The following DLGAP2 variants were observed in gnomAD, a reference collection of about 807,000 sequenced individuals.
DLGAP2 encodes the protein disks large-associated protein 2.
Under a neutral mutation model 100.3 loss-of-function variants are expected in DLGAP2, and 26 were observed. That is an observed-to-expected ratio of 0.26 (90% confidence interval 0.19 to 0.36). DLGAP2 has a LOEUF of 0.36. Ranked by LOEUF, DLGAP2 falls within the 10% of genes least tolerant of loss-of-function variation. The probability of loss-of-function intolerance (pLI) is 1.00; values close to 1 mark genes in which losing one functional copy is unlikely to be tolerated. For missense variants in DLGAP2, 1,858 were observed against 1,453.2 expected (o/e 1.28, Z -4.53); for synonymous variants, 886 against 630.1 (o/e 1.41, Z -6.08).
chr8:1,595,900 T>C (rs1584970565), intron 6 of DLGAP2, among the ~76,000 whole-genome samples: 1 of 151,948 alleles, frequency 6.6e-6, no homozygotes, highest in African/African-American at 2.4e-5. Flanking sequence ...ACTTTAAGTT[T>C]TAGGGTACAT....
chr8:1,287,409 A>T (rs113376245), intron 3 of DLGAP2, among the ~76,000 whole-genome samples: 1 of 119,838 alleles, frequency 8.3e-6, no homozygotes, highest in Non-Finnish European at 1.6e-5. Context: ...GAGGGGAACT[A>T]GTTTTGGTTC....
At chr8:852,952 G>T (rs191371905) in intron 1 of DLGAP2, among the ~76,000 whole-genome samples, 159 of 152,346 alleles carry the variant, frequency 1.0e-3, no homozygotes, top group Non-Finnish European at 1.9e-3. Context: ...GCAGCATGAC[G>T]CTGGATCTTC....
At chr8:1,010,256 G>A (rs111810504) in intron 2 of DLGAP2, among the ~76,000 whole-genome samples, 33 of 141,732 alleles carry the variant, frequency 2.3e-4, no homozygotes, top group South Asian at 1.8e-3. Context: ...CCACATATGC[G>A]CACACATGCA....
At chr8:1,343,845 A>T (rs1801477297) in intron 3 of DLGAP2, among the ~76,000 whole-genome samples, 1 of 152,002 alleles carries the variant, frequency 6.6e-6, no homozygotes, top group African/African-American at 2.4e-5. Context: ...AGAGCAGATG[A>T]TGCTCCAATT....
intron 2 of DLGAP2, among the ~76,000 whole-genome samples, chr8:1,230,023 A>C (rs11780518): frequency 0.25 from 37,861 of 152,148 alleles, 5,418 homozygotes; most frequent in East Asian, 0.6. Flanking sequence ...ACAATCAGGC[A>C]AGAAAACGTA....
intron 7 of DLGAP2, among the ~76,000 whole-genome samples, chr8:1,628,264 G>A (rs1016373672): frequency 4.8e-5 from 7 of 145,078 alleles, no homozygotes; most frequent in African/African-American, 1.9e-4. Flanking sequence ...AAGAGCCTGA[G>A]CTGACCTCAC....
chr8:904,142 C>T (rs1257577232), intron 1 of DLGAP2, among the ~76,000 whole-genome samples: 2 of 152,248 alleles, frequency 1.3e-5, no homozygotes, highest in African/African-American at 2.4e-5. Context: ...GGCCACTGGC[C>T]ACACGTAGCC....
chr8:836,553 G>T (rs7459616), intron 1 of DLGAP2, among the ~76,000 whole-genome samples: 11 of 152,022 alleles, frequency 7.2e-5, no homozygotes, highest in Admixed American at 7.2e-4. Flanking sequence ...AGGTTCTGCC[G>T]GGGTGACCCT....
intron 14 of DLGAP2, among the ~76,000 whole-genome samples, chr8:1,700,234 A>C (rs1799528870): frequency 6.6e-6 from 1 of 152,212 alleles, no homozygotes; most frequent in African/African-American, 2.4e-5. Context: ...AGAGAAAAAG[A>C]CATGAGTGGA....
chr8:1,462,064 A>G (rs1181663521), intron 3 of DLGAP2, among the ~76,000 whole-genome samples: 6 of 48,054 alleles, frequency 1.2e-4, no homozygotes, highest in Admixed American at 2.6e-4. Flanking sequence ...GAAGGGCGGC[A>G]TTTGGGTTGG....
chr8:1,600,287 C>G (rs532575837), intron 6 of DLGAP2, among the ~76,000 whole-genome samples: 24 of 152,260 alleles, frequency 1.6e-4, no homozygotes, highest in African/African-American at 5.5e-4. Flanking sequence ...TGACCTTTCT[C>G]TCTGGCTGCC....
intron 2 of DLGAP2, among the ~76,000 whole-genome samples, chr8:1,169,195 T>C (rs1197815767): frequency 1.3e-5 from 2 of 152,108 alleles, no homozygotes; most frequent in African/African-American, 4.8e-5. Flanking sequence ...TGGTTGTAGA[T>C]ATGCGGCGTT....
At chr8:1,111,012 C>G (rs1272258742) in intron 2 of DLGAP2, among the ~76,000 whole-genome samples, 1 of 152,140 alleles carries the variant, frequency 6.6e-6, no homozygotes, top group Non-Finnish European at 1.5e-5. Context: ...TGAGCAGCCT[C>G]TCCTTGTGCT....
chr8:1,524,908 C>G (rs1198269040), intron 4 of DLGAP2, among the ~76,000 whole-genome samples: 1 of 152,032 alleles, frequency 6.6e-6, no homozygotes, highest in Non-Finnish European at 1.5e-5. Context: ...TCCTGCACAC[C>G]CTTGGCCATT....
At chr8:943,550 C>T (rs947976958) in intron 2 of DLGAP2, among the ~76,000 whole-genome samples, 8 of 151,944 alleles carry the variant, frequency 5.3e-5, no homozygotes, top group African/African-American at 1.4e-4. Context: ...GGCGTGTGGA[C>T]GTCGTGATGT....
chr8:1,624,140 G>C (rs999779632), intron 6 of DLGAP2, among the ~76,000 whole-genome samples: 3 of 152,152 alleles, frequency 2.0e-5, no homozygotes, highest in African/African-American at 7.2e-5. Context: ...CAGTCTAGAA[G>C]GCAGCTTCAA....
chr8:1,706,822 G>A lies in DLGAP2; in HGVS notation c.*5416G>A, dbSNP rs1799718253. 6.6e-6 allele frequency: 1 copy of A among 152,196 alleles called. No homozygotes were observed. Among genetic ancestry groups the A allele is most frequent in the Admixed American group, 6.5e-5 (1 of 15,280 alleles). The allele number at this position is 152,196 out of a possible 1,614,324, so 9.4% of individuals were successfully genotyped here. On this transcript the variant is annotated 3_prime_UTR_variant, in exon 15 of 15. Coordinates refer to ENST00000637795, the MANE Select transcript of DLGAP2 (RefSeq NM_001346810.2). The stretch of plus-strand genomic sequence containing the variant: ...CTCAAACCACGCAAGGGTTTGAGAA[G>A]CCCACCCCTCTAATTCCAGGCGTTT...
At chr8:1,148,758 T>G (rs1796648548) in intron 2 of DLGAP2, among the ~76,000 whole-genome samples, 1 of 152,240 alleles carries the variant, frequency 6.6e-6, no homozygotes, top group Non-Finnish European at 1.5e-5. Context: ...CAAATTTAAT[T>G]CTACTGTAGT....
intron 7 of DLGAP2, among the ~76,000 whole-genome samples, chr8:1,629,073 T>A (rs1455559979): frequency 6.6e-6 from 1 of 152,240 alleles, no homozygotes; most frequent in Non-Finnish European, 1.5e-5. Flanking sequence ...TGCTGTGAGC[T>A]CTTGGTAGCT....
Sources: gnomAD v4.1 joint callset for allele counts (sites outside exome capture counted in the v4.1 genomes callset) on GRCh38, gnomAD v4.1.1 for gene constraint, MANE v1.5 for transcripts, NCBI Gene and HGNC (gene_info 2026-07-23, HGNC 2026-07-21) for gene names.